The following TANC2 variants were observed in gnomAD, a reference collection of about 807,000 sequenced individuals.
The protein encoded by TANC2 is protein TANC2.
TANC2 carries 26 observed loss-of-function variants against 210.5 expected under a neutral mutation model. The observed-to-expected ratio is 0.12, with a 90% CI of 0.09 to 0.17. The LOEUF (loss-of-function observed/expected upper bound fraction) is 0.17. Among genes scored for constraint, TANC2 ranks in the 10% least tolerant of loss-of-function variants. The pLI is 1.00. For missense variants in TANC2, 2,129 were observed against 2,608.9 expected, an observed-to-expected ratio of 0.82 and a Z score of 4.01; for synonymous variants, 931 against 967.1, an observed-to-expected ratio of 0.96 and a Z score of 0.69.
chr17:62,976,758 C>T (rs2032024026), intron 1 of TANC2, among the ~76,000 whole-genome samples: 1 of 152,120 alleles, frequency 6.6e-6, no homozygotes. Flanking sequence ...ACAATTTAGC[C>T]TAAATACTTG....
At chr17:63,396,132 C>G (rs915774091) in intron 18 of TANC2, 1 of 524,474 alleles carries the variant, frequency 1.9e-6, no homozygotes, top group Non-Finnish European at 3.4e-6. Context: ...TAGAAAGGTG[C>G]GAGTTGGAAA....
intron 13 of TANC2, among the ~76,000 whole-genome samples, chr17:63,351,697 G>A (rs544792130): frequency 1.3e-5 from 2 of 152,226 alleles, no homozygotes; most frequent in African/African-American, 4.8e-5. Context: ...CTGTTCTGAG[G>A]ACAGCAGTGT....
At chr17:63,210,829 A>C (rs567630932) in intron 7 of TANC2, among the ~76,000 whole-genome samples, 2 of 152,290 alleles carry the variant, frequency 1.3e-5, no homozygotes, top group East Asian at 3.9e-4. Context: ...TATTATGTTT[A>C]ATACTATAGA....
At chr17:63,349,453 A>G (rs138157786) in intron 12 of TANC2, among the ~76,000 whole-genome samples, 96 of 152,316 alleles carry the variant, frequency 6.3e-4, no homozygotes, top group African/African-American at 2.2e-3. Context: ...ACCTGGTTGA[A>G]GTTATTAAAG....
At chr17:63,100,622 C>T (rs1378481577) in intron 4 of TANC2, among the ~76,000 whole-genome samples, 1 of 151,996 alleles carries the variant, frequency 6.6e-6, no homozygotes, top group Non-Finnish European at 1.5e-5. Flanking sequence ...ATATAAAAAT[C>T]CCAAATCTGT....
At chr17:63,136,411 C>A (rs988895198) in intron 4 of TANC2, among the ~76,000 whole-genome samples, 2 of 152,032 alleles carry the variant, frequency 1.3e-5, no homozygotes, top group African/African-American at 4.8e-5. Flanking sequence ...GCTTGGAATC[C>A]CCAGTTTTCT....
intron 4 of TANC2, among the ~76,000 whole-genome samples, chr17:63,138,914 G>A (rs1320993388): frequency 1.3e-5 from 2 of 152,174 alleles, no homozygotes; most frequent in African/African-American, 2.4e-5. Context: ...CAGATTACAC[G>A]TGTGTACCAC....
intron 2 of TANC2, among the ~76,000 whole-genome samples, chr17:63,010,680 A>G (rs998525943): frequency 2.0e-5 from 3 of 152,128 alleles, no homozygotes; most frequent in Non-Finnish European, 4.4e-5. Flanking sequence ...TTGGCTACAA[A>G]TCGGAGGTTC....
In TANC2 at chr17:63,420,086, G is replaced by A. The variant is rs890790053; in HGVS notation, c.4356G>A (p.Val1452=). The A allele has an allele frequency of 2.6e-6, 4 of 1,552,134 alleles. No homozygotes were observed. Among genetic ancestry groups the A allele is most frequent in the Non-Finnish European group, 1.7e-6 (2 of 1,147,176 alleles). ...AGATCCAGAGACTTCTGCTGAGAGTGGAAGAAGAGTGTAGACAGATGCAGC... is the reference window on the plus strand; with the variant it reads ...AGATCCAGAGACTTCTGCTGAGAGTAGAAGAAGAGTGTAGACAGATGCAGC... Residue 1452 remains valine, a synonymous_variant, in exon 28 of 28, where the codon GTG becomes GTA. Transcript: ENST00000689528. The surrounding 1 kb of genome is among the most constrained non-coding windows in gnomAD (Gnocchi z 4.2).
chr17:63,029,878 A>G (rs2034700944), intron 2 of TANC2, among the ~76,000 whole-genome samples: 1 of 152,216 alleles, frequency 6.6e-6, no homozygotes, highest in Non-Finnish European at 1.5e-5. Flanking sequence ...ATTTGCTAGT[A>G]GATGGAGAGA....
At chr17:63,002,413 A>G (rs998758085) in intron 1 of TANC2, among the ~76,000 whole-genome samples, 1 of 152,200 alleles carries the variant, frequency 6.6e-6, no homozygotes, top group Non-Finnish European at 1.5e-5. Flanking sequence ...TTTTGTTATA[A>G]TTCATCACAT....
At chr17:63,399,144 T>C (rs1396264873) in intron 19 of TANC2, 9 of 298,172 alleles carry the variant, frequency 3.0e-5, no homozygotes, top group Non-Finnish European at 5.6e-5. Flanking sequence ...AACAAAACTT[T>C]TTCCCTCTCT....
At chr17:63,422,727 A>G (rs1311417426) in exon 28 of TANC2, 1 of 152,184 alleles carries the variant, frequency 6.6e-6, no homozygotes, top group Admixed American at 6.5e-5. Flanking sequence ...TATTCTCTAG[A>G]TTTTTAGCCG....
intron 4 of TANC2, among the ~76,000 whole-genome samples, chr17:63,143,232 A>G (rs1179355447): frequency 6.6e-6 from 1 of 152,230 alleles, no homozygotes; most frequent in African/African-American, 2.4e-5. Context: ...AACACATCTG[A>G]GTTTTCATGT....
At chr17:63,249,352 G>A (rs1027997524) in intron 8 of TANC2, among the ~76,000 whole-genome samples, 1 of 152,146 alleles carries the variant, frequency 6.6e-6, no homozygotes, top group Non-Finnish European at 1.5e-5. Context: ...TGTGTTGGAA[G>A]GAAGTAGAAG....
intron 8 of TANC2, among the ~76,000 whole-genome samples, chr17:63,258,109 A>G (rs1436606088): frequency 6.6e-6 from 1 of 152,122 alleles, no homozygotes; most frequent in Non-Finnish European, 1.5e-5. Context: ...TGTTTGAAGG[A>G]TGTTTTCCCT....
chr17:63,380,550 C>CTT (rs1195821759), intron 15 of TANC2, among the ~76,000 whole-genome samples: 1 of 152,164 alleles, frequency 6.6e-6, no homozygotes, highest in Non-Finnish European at 1.5e-5. Flanking sequence ...TGGGTTAACC[C>CTT]ACAAAAGTGG....
chr17:63,323,478 G>A (rs2045558101), intron 11 of TANC2, among the ~76,000 whole-genome samples: 1 of 152,176 alleles, frequency 6.6e-6, no homozygotes, highest in Admixed American at 6.5e-5. Context: ...AATCACAGTA[G>A]AGGGACAGGG....
rs548554742 is a variant in TANC2, at chr17:63,023,296, CAG to C, written c.67+13671_67+13672del. The stretch of plus-strand genomic sequence containing the variant: ...GCCTTGGGAGCTCACCCCTGCCCAA[CAG>C]GGGGTATTACCTAGAGTGTCCAGGT... On this transcript the variant is annotated intron_variant, in intron 2 of 27. Transcript: ENST00000689528. 2.2e-3 allele frequency among the ~76,000 whole-genome samples: 328 copies of C among 152,316 alleles called. 5 individuals carry two copies. Among genetic ancestry groups the C allele is most frequent in the Non-Finnish European group, 9.0e-4 (61 of 68,028 alleles).
Sources: gnomAD v4.1 joint callset for allele counts (sites outside exome capture counted in the v4.1 genomes callset) on GRCh38, gnomAD v4.1.1 for gene constraint, Gnocchi (gnomAD v3.1) non-coding constraint, MANE v1.5 for transcripts, NCBI Gene and HGNC (gene_info 2026-07-23, HGNC 2026-07-21) for gene names.